The following DOCK9 variants were observed in gnomAD, a reference collection of about 807,000 sequenced individuals.
DOCK9 encodes the protein dedicator of cytokinesis protein 9.
A neutral mutation model predicts 263.3 loss-of-function variants in DOCK9; 89 were observed. That is an observed-to-expected ratio of 0.34 (90% CI 0.28 to 0.40). The LOEUF is 0.40. Among genes scored for constraint, DOCK9 ranks in the 10% least tolerant of loss-of-function variants. The pLI is 1.00. For synonymous variants in DOCK9, 976 were observed against 973.1 expected, an observed-to-expected ratio of 1.00 and a Z score of -0.06; for missense variants, 2,140 against 2,603.4, an observed-to-expected ratio of 0.82 and a Z score of 3.87.
intron 47 of DOCK9, 59 bp downstream of exon 47, chr13:98,809,293 T>C: frequency 6.9e-7 from 1 of 1,452,662 alleles, no homozygotes; most frequent in Non-Finnish European, 9.4e-7. Flanking sequence ...TTTTTTGTTT[T>C]TGTTTTTGTT....
At chr13:98,810,454 G>A (rs1451024099) in intron 45 of DOCK9, among the ~76,000 whole-genome samples, 163 bp from the exon 46 acceptor site, 1 of 152,150 alleles carries the variant, frequency 6.6e-6, no homozygotes, top group Non-Finnish European at 1.5e-5. Context: ...TTCTTTTTTA[G>A]GGAGCCATTT....
intron 4 of DOCK9, among the ~76,000 whole-genome samples, chr13:98,923,954 C>T (rs2140136019): frequency 6.6e-6 from 1 of 152,284 alleles, no homozygotes; most frequent in African/African-American, 2.4e-5. Context: ...AATCTGTGTT[C>T]TTCACCACTG....
At chr13:98,942,396 G>T (rs1029458430) in intron 2 of DOCK9, among the ~76,000 whole-genome samples, 1 of 151,774 alleles carries the variant, frequency 6.6e-6, no homozygotes, top group Non-Finnish European at 1.5e-5. Context: ...CCGCCACCAC[G>T]CCCGGCTAAT....
At chr13:98,935,484 G>A (rs2054666190) in intron 2 of DOCK9, among the ~76,000 whole-genome samples, 1 of 152,086 alleles carries the variant, frequency 6.6e-6, no homozygotes, top group South Asian at 2.1e-4. Context: ...GAGAAAGGTT[G>A]GAGCTGGGCA....
chr13:98,915,542 A>T, intron 7 of DOCK9, 39 bp from the exon 8 acceptor site: 1 of 1,556,194 alleles, frequency 6.4e-7, no homozygotes, highest in Non-Finnish European at 8.7e-7. Flanking sequence ...ACTTTAAAAG[A>T]ATTAGAACTG....
In DOCK9 at chr13:98,888,384, G is replaced by C; in HGVS notation, c.1953C>G (p.Tyr651Ter). 2 of 1,613,560 alleles carry C rather than the reference G, an allele frequency of 1.2e-6. No homozygotes were observed. The highest frequency in any genetic ancestry group is 1.7e-6 in the Non-Finnish European group (2 of 1,179,630). ...CCTTGGCAAAAGACTTCTGACTGTCGTATTTCAAGTACTTAGGATAAACGT... is the reference window on the plus strand; with the variant it reads ...CCTTGGCAAAAGACTTCTGACTGTCCTATTTCAAGTACTTAGGATAAACGT... ...HLYVYPKYLK[Y>*]DSQKSFAKAR... is the part of the protein sequence containing the mutation. Residue 651 changes from tyrosine to a stop codon, truncating the protein, a stop_gained, in exon 17 of 53, where the codon TAC (tyrosine) becomes TAG (stop). Coordinates refer to ENST00000682017, the MANE Select transcript of DOCK9 (RefSeq NM_001366683.2). LOFTEE classifies it high-confidence loss of function.
At chr13:98,992,643 C>T (rs1291721124) in intron 1 of DOCK9, among the ~76,000 whole-genome samples, 1 of 152,230 alleles carries the variant, frequency 6.6e-6, no homozygotes, top group Non-Finnish European at 1.5e-5. Context: ...GCACACCCCA[C>T]TTGCCTGCCG....
intron 38 of DOCK9, among the ~76,000 whole-genome samples, chr13:98,838,887 CTT>C (rs796675053): frequency 6.6e-5 from 10 of 152,224 alleles, no homozygotes; most frequent in African/African-American, 2.4e-4. Flanking sequence ...AGGGAATGTT[CTT>C]GAGACCAGTA....
intron 1 of DOCK9, among the ~76,000 whole-genome samples, chr13:99,014,829 T>A (rs1190984541): frequency 1.3e-5 from 2 of 152,218 alleles, no homozygotes; most frequent in Non-Finnish European, 2.9e-5. Flanking sequence ...TTGACACCTC[T>A]TCATGCCTGA....
At chr13:98,807,894 A>C (rs1337350343) in intron 47 of DOCK9, 87 bp from the exon 48 acceptor site, 9 of 1,175,562 alleles carry the variant, frequency 7.7e-6, no homozygotes, top group Non-Finnish European at 1.0e-5. Context: ...ACAAGGGGGA[A>C]AAAAAGGAAT....
intron 1 of DOCK9, among the ~76,000 whole-genome samples, chr13:98,987,120 A>C (rs866672138): frequency 6.6e-6 from 1 of 152,114 alleles, no homozygotes; most frequent in Non-Finnish European, 1.5e-5. Context: ...TTACATTTCC[A>C]AATAACTTTC....
intron 44 of DOCK9, 118 bp from the exon 45 acceptor site, chr13:98,824,622 CT>C: frequency 1.1e-6 from 1 of 912,232 alleles, no homozygotes; most frequent in Non-Finnish European, 1.7e-6. Context: ...TTTGAAATCT[CT>C]TAGGCACCAG....
intron 1 of DOCK9, chr13:98,959,306 G>A (rs1163090471): frequency 6.6e-6 from 1 of 152,198 alleles, no homozygotes; most frequent in Non-Finnish European, 1.5e-5. Flanking sequence ...ACCATGACCA[G>A]GAAAACTCAT....
intron 50 of DOCK9, among the ~76,000 whole-genome samples, chr13:98,797,971 G>T (rs2089639763): frequency 6.6e-6 from 1 of 152,198 alleles, no homozygotes; most frequent in Non-Finnish European, 1.5e-5. Flanking sequence ...TCATTGAATT[G>T]TATAGACAGC....
In DOCK9 at chr13:98,943,129, C is replaced by T. The variant is rs142230726; in HGVS notation, c.243+12306G>A. ...CTGAGTTGACCAGCGCCACACTGCT[C>T]CTGTCAGAGCAGCATTTCAGCTCCT... On this transcript the variant is annotated intron_variant, in intron 2 of 52. Transcript: ENST00000682017. 4.4e-3 allele frequency among the ~76,000 whole-genome samples: 670 copies of T among 152,358 alleles called. 1 individual carries two copies. The highest frequency in any genetic ancestry group is 7.5e-3 in the Non-Finnish European group (511 of 68,038).
At chr13:99,032,209 G>A (rs1482495842) in intron 1 of DOCK9, among the ~76,000 whole-genome samples, 1 of 152,094 alleles carries the variant, frequency 6.6e-6, no homozygotes, top group Non-Finnish European at 1.5e-5. Context: ...GGTGGCTCAC[G>A]CCTGTAATCC....
chr13:98,971,233 G>C lies in DOCK9; in HGVS notation c.126+6551C>G, dbSNP rs569336181. ...AGGTCCCTGGTCTCTTGGCCCACCC[G>C]TGCCACCAGCCAGCTGGACATTGTT... is the stretch of plus-strand genomic sequence containing the variant. On this transcript the variant is annotated intron_variant, in intron 1 of 52. Coordinates refer to ENST00000682017, the MANE Select transcript of DOCK9 (RefSeq NM_001366683.2). Among the ~76,000 whole-genome samples, 107 of 152,242 alleles carry C rather than the reference G, an allele frequency of 7.0e-4. 1 individual carries two copies. In the South Asian group the frequency reaches 0.021, roughly 30 times the overall value.
chr13:98,797,594 C>T, intron 50 of DOCK9, 105 bp from the exon 51 acceptor site: 3 of 903,696 alleles, frequency 3.3e-6, no homozygotes, highest in Non-Finnish European at 5.1e-6. Context: ...GCGTGAGCTA[C>T]TCACAATCCC....
At chr13:98,937,452 T>C (rs1437070025) in intron 2 of DOCK9, among the ~76,000 whole-genome samples, 2 of 152,348 alleles carry the variant, frequency 1.3e-5, no homozygotes, top group East Asian at 3.8e-4. Context: ...ATAAAAGCCC[T>C]TTCCTAGCTA....
Sources: gnomAD v4.1 joint callset for allele counts (sites outside exome capture counted in the v4.1 genomes callset) on GRCh38, gnomAD v4.1.1 for gene constraint, MANE v1.5 for transcripts, NCBI Gene and HGNC (gene_info 2026-07-23, HGNC 2026-07-21) for gene names.